DLC1: variants seen among roughly 807,000 people sequenced by gnomAD.
The protein encoded by DLC1 is rho GTPase-activating protein 7.
DLC1 carries 54 observed loss-of-function variants against 140.3 expected under a neutral mutation model. That is an observed-to-expected ratio of 0.38 (90% CI 0.31 to 0.48). The LOEUF (loss-of-function observed/expected upper bound fraction) is 0.48, where lower values mean the gene tolerates loss of function less well. Among genes scored for constraint, DLC1 ranks in the 20% least tolerant of loss-of-function variants. DLC1 has a pLI of 0.96. For missense variants in DLC1, 2,536 were observed against 1,907.0 expected (o/e 1.33, Z -6.14); for synonymous variants, 986 against 728.1 (o/e 1.35, Z -5.70).
intron 5 of DLC1, among the ~76,000 whole-genome samples, chr8:13,173,560 C>A (rs1825603798): frequency 6.6e-6 from 1 of 152,040 alleles, no homozygotes; most frequent in South Asian, 2.1e-4. Context: ...TTAGCAGATA[C>A]GGGGTTTCAC....
intron 2 of DLC1, among the ~76,000 whole-genome samples, chr8:13,457,625 C>G (rs535371969): frequency 2.2e-5 from 3 of 135,982 alleles, no homozygotes; most frequent in African/African-American, 8.1e-5. Context: ...TGCAGTGAGC[C>G]GAGATCGCGC....
At chr8:13,198,406 C>A (rs181385051) in intron 5 of DLC1, among the ~76,000 whole-genome samples, 1 of 152,126 alleles carries the variant, frequency 6.6e-6, no homozygotes, top group African/African-American at 2.4e-5. Flanking sequence ...CAAAAGCTCT[C>A]GATCTTCTCT....
At chr8:13,352,062 G>A (rs957616660) in intron 4 of DLC1, among the ~76,000 whole-genome samples, 3 of 152,192 alleles carry the variant, frequency 2.0e-5, no homozygotes, top group South Asian at 2.1e-4. Flanking sequence ...TAACATTTAT[G>A]TCTTGTTTAC....
intron 4 of DLC1, chr8:13,339,557 G>A (rs1333202160): frequency 6.6e-6 from 1 of 152,178 alleles, no homozygotes; most frequent in Admixed American, 6.5e-5. Context: ...TCTCTGGTAG[G>A]ACACAGGGCA....
chr8:13,524,403 G>A (rs1431311289), intron 1 of DLC1, among the ~76,000 whole-genome samples: 1 of 152,016 alleles, frequency 6.6e-6, no homozygotes, highest in South Asian at 2.1e-4. Context: ...CTCCCAAAGT[G>A]CTGGTATTAC....
At chr8:13,481,324 G>A (rs1261716922) in intron 2 of DLC1, among the ~76,000 whole-genome samples, 1 of 152,116 alleles carries the variant, frequency 6.6e-6, no homozygotes, top group Non-Finnish European at 1.5e-5. Context: ...CTACTTGAGA[G>A]ACTTAGGTGG....
chr8:13,096,366 A>G (rs2128933826), intron 10 of DLC1, among the ~76,000 whole-genome samples: 1 of 152,334 alleles, frequency 6.6e-6, no homozygotes, highest in Non-Finnish European at 1.5e-5. Context: ...GAGGAACTCC[A>G]GAGAAGACAG....
At chr8:13,584,754 G>A (rs751949475) in intron 1 of DLC1, among the ~76,000 whole-genome samples, 8 of 152,076 alleles carry the variant, frequency 5.3e-5, no homozygotes, top group East Asian at 1.9e-4. Context: ...GGCAACTTTC[G>A]CTCAAAAACT....
At chr8:13,193,371 G>T (rs1164304154) in intron 5 of DLC1, among the ~76,000 whole-genome samples, 1 of 152,016 alleles carries the variant, frequency 6.6e-6, no homozygotes, top group Non-Finnish European at 1.5e-5. Context: ...ACCCATTTAG[G>T]GCTATGTATG....
At chr8:13,324,795 A>G (rs1833271046) in intron 4 of DLC1, among the ~76,000 whole-genome samples, 1 of 152,080 alleles carries the variant, frequency 6.6e-6, no homozygotes, top group South Asian at 2.1e-4. Context: ...AAAATTTTGG[A>G]TTTAAGCCAA....
At chr8:13,475,045 T>G (rs1179773882) in intron 2 of DLC1, among the ~76,000 whole-genome samples, 2 of 151,960 alleles carry the variant, frequency 1.3e-5, no homozygotes, top group East Asian at 3.9e-4. Flanking sequence ...ACTCCTGGAC[T>G]CAAGTGATCC....
chr8:13,393,244 T>C (rs1207216711), intron 4 of DLC1, among the ~76,000 whole-genome samples: 1 of 152,102 alleles, frequency 6.6e-6, no homozygotes, highest in African/African-American at 2.4e-5. Context: ...GATAATAGTG[T>C]AGGGAAAGGC....
intron 2 of DLC1, 26 bp downstream of exon 2, chr8:13,499,023 C>T: frequency 6.5e-7 from 1 of 1,548,634 alleles, no homozygotes; most frequent in Non-Finnish European, 8.7e-7. Context: ...ATTTCAAAAG[C>T]CAGAGAATCT....
chr8:13,286,998 G>A (rs1161631554), intron 5 of DLC1, among the ~76,000 whole-genome samples: 3 of 152,192 alleles, frequency 2.0e-5, no homozygotes, highest in East Asian at 3.9e-4. Flanking sequence ...GATGGTGAAA[G>A]GCCATGGAGA....
chr8:13,561,694 A>G (rs1804248981), intron 1 of DLC1, among the ~76,000 whole-genome samples: 1 of 152,190 alleles, frequency 6.6e-6, no homozygotes, highest in Non-Finnish European at 1.5e-5. Context: ...TTTACAGGGA[A>G]ATTTTATATC....
chr8:13,173,424 C>T (rs948774919), intron 5 of DLC1, among the ~76,000 whole-genome samples: 2 of 132,492 alleles, frequency 1.5e-5, no homozygotes, highest in African/African-American at 5.7e-5. Flanking sequence ...CAGGCTGGAG[C>T]GCAGTGGCGC....
chr8:13,132,759 C>T (rs917654637), intron 5 of DLC1, among the ~76,000 whole-genome samples: 12 of 152,210 alleles, frequency 7.9e-5, no homozygotes, highest in African/African-American at 2.7e-4. Context: ...AAACTCCCTC[C>T]CCAAACTGCG....
chr8:13,335,622 G>T (rs550376580), intron 4 of DLC1, among the ~76,000 whole-genome samples: 1 of 152,262 alleles, frequency 6.6e-6, no homozygotes, highest in Admixed American at 6.5e-5. Flanking sequence ...CTGTGGGCAA[G>T]CTGATGGAAA....
chr8:13,345,442 G>A (rs865986308), intron 4 of DLC1, among the ~76,000 whole-genome samples: 2 of 151,852 alleles, frequency 1.3e-5, no homozygotes, highest in Non-Finnish European at 2.9e-5. Context: ...GAGGGAAGGA[G>A]CCAGGAGCCA....
Sources: gnomAD v4.1 joint callset for allele counts (sites outside exome capture counted in the v4.1 genomes callset) on GRCh38, gnomAD v4.1.1 for gene constraint, MANE v1.5 for transcripts, NCBI Gene and HGNC (gene_info 2026-07-23, HGNC 2026-07-21) for gene names.